The following RAD17 variants were observed in gnomAD, a reference collection of about 807,000 sequenced individuals.
RAD17 encodes the protein RAD17 checkpoint clamp loader component.
Under a neutral mutation model 81.5 loss-of-function variants are expected in RAD17, and 31 were observed. That is an observed-to-expected ratio of 0.38 (90% CI 0.29 to 0.51). RAD17 has a LOEUF of 0.51. RAD17 is among the 20% of genes least tolerant of loss of function. The pLI, the probability that RAD17 is intolerant of heterozygous loss-of-function variation, is 0.88. For synonymous variants in RAD17, 261 were observed against 266.2 expected, an observed-to-expected ratio of 0.98 and a Z score of 0.19; for missense variants, 681 against 781.2, an observed-to-expected ratio of 0.87 and a Z score of 1.53.
chr5:69,396,644 G>A, intron 16 of RAD17, 98 bp downstream of exon 16: 5 of 1,208,346 alleles, frequency 4.1e-6, no homozygotes, highest in Admixed American at 3.4e-5. Flanking sequence ...ACATAACAAA[G>A]GAAAAAATAT....
intron 17 of RAD17, among the ~76,000 whole-genome samples, chr5:69,409,532 A>G (rs1219582548): frequency 1.3e-5 from 2 of 152,256 alleles, no homozygotes; most frequent in East Asian, 1.9e-4. Flanking sequence ...GCTGTATGCT[A>G]TTAGGACAAT....
chr5:69,394,081 G>A (rs553896649), intron 15 of RAD17, among the ~76,000 whole-genome samples: 20 of 138,550 alleles, frequency 1.4e-4, no homozygotes, highest in Admixed American at 3.7e-4. Context: ...TCGAGACAGC[G>A]TCTTACTTTT....
intron 7 of RAD17, among the ~76,000 whole-genome samples, chr5:69,383,871 A>C (rs942771073): frequency 1.3e-5 from 2 of 152,158 alleles, no homozygotes; most frequent in African/African-American, 2.4e-5. Flanking sequence ...GCTTTAACTT[A>C]AACAGTCTTC....
chr5:69,372,192 C>T lies in RAD17; in HGVS notation c.-17C>T, dbSNP rs751369960. ...CCAAGATTATAGTACCAGTCACAAT[C>T]TTTTGATGAGGACGAAATGAATCAG... On this transcript the variant is annotated 5_prime_UTR_variant, in exon 4 of 19. Transcript: ENST00000354868. The T allele has an allele frequency of 1.6e-5, 25 of 1,607,998 alleles. No homozygotes were observed. In the East Asian group the frequency reaches 5.1e-4, roughly 33 times the overall value.
At chr5:69,401,059 A>C (rs1382399376) in intron 17 of RAD17, among the ~76,000 whole-genome samples, 6 of 150,958 alleles carry the variant, frequency 4.0e-5, no homozygotes, top group Non-Finnish European at 8.8e-5. Flanking sequence ...AAATACAAAA[A>C]ATTAGCCAGG....
chr5:69,380,663 C>CTT (rs777416003), intron 6 of RAD17, among the ~76,000 whole-genome samples: 1 of 145,534 alleles, frequency 6.9e-6, no homozygotes, highest in Non-Finnish European at 1.5e-5. Flanking sequence ...GTAGCTTCAA[C>CTT]TTTTTTTTTT....
intron 6 of RAD17, among the ~76,000 whole-genome samples, chr5:69,376,211 G>A (rs1180149371): frequency 2.0e-5 from 3 of 152,096 alleles, no homozygotes; most frequent in Non-Finnish European, 4.4e-5. Context: ...CATAATCCAT[G>A]GGGAGATACC....
Position 69,393,159 on chromosome 5 carries a change from A to G in RAD17, c.1194A>G (p.Ala398=). ...AATTCCAGAAATTTTTTATAGGAGCATCTTTAACAGAATTAGACTCACCTC... is the reference window on the plus strand; with the variant it reads ...AATTCCAGAAATTTTTTATAGGAGCGTCTTTAACAGAATTAGACTCACCTC... ...ALGKILYCKR[A]SLTELDSPRL... The change falls in exon 14 of 19, where the codon GCA becomes GCG. Residue 398 remains alanine, a synonymous_variant. Transcript: ENST00000354868. 6.3e-7 allele frequency: 1 copy of G among 1,597,072 alleles called. No homozygotes were observed. Among genetic ancestry groups the G allele is most frequent in the Non-Finnish European group, 8.6e-7 (1 of 1,168,418 alleles).
intron 11 of RAD17, among the ~76,000 whole-genome samples, chr5:69,388,093 C>G (rs934777255): frequency 1.3e-5 from 2 of 152,152 alleles, no homozygotes; most frequent in African/African-American, 4.8e-5. Flanking sequence ...GCCTGTAGTC[C>G]CAGCTACAAA....
intron 6 of RAD17, among the ~76,000 whole-genome samples, chr5:69,375,644 AT>A (rs1454280115): frequency 2.0e-5 from 3 of 152,166 alleles, no homozygotes; most frequent in Non-Finnish European, 4.4e-5. Flanking sequence ...TTTTAAAAAA[AT>A]GATTTTCCTA....
At chr5:69,393,990 G>A (rs182236922) in intron 15 of RAD17, among the ~76,000 whole-genome samples, 54 of 134,084 alleles carry the variant, frequency 4.0e-4, no homozygotes, top group Non-Finnish European at 7.4e-4. Context: ...ACTGGGTTTA[G>A]GGAATCCTGT....
intron 7 of RAD17, 36 bp downstream of exon 7, chr5:69,382,093 G>A: frequency 1.9e-6 from 3 of 1,581,784 alleles, no homozygotes; most frequent in Admixed American, 1.7e-5. Flanking sequence ...AAGTAGTGGG[G>A]CAAACCTGTG....
intron 6 of RAD17, 140 bp from the exon 7 acceptor site, chr5:69,381,761 T>C: frequency 1.7e-6 from 1 of 586,938 alleles, no homozygotes; most frequent in South Asian, 4.3e-5. Flanking sequence ...CAGCAAGCAT[T>C]ATTATGAAAT....
chr5:69,376,177 A>G (rs546752756), intron 6 of RAD17, among the ~76,000 whole-genome samples: 1 of 152,308 alleles, frequency 6.6e-6, no homozygotes, highest in South Asian at 2.1e-4. Flanking sequence ...TTCATTGTAG[A>G]GTAACTTTCC....
At chr5:69,393,120 G>A (rs1042828533) in intron 13 of RAD17, 35 bp from the exon 14 acceptor site, 4 of 1,390,554 alleles carry the variant, frequency 2.9e-6, no homozygotes, top group Admixed American at 1.8e-5. Context: ...TATAAAGAAG[G>A]TATTATCTTT....
At chr5:69,377,516 C>T (rs201345407) in intron 6 of RAD17, among the ~76,000 whole-genome samples, 5,280 of 30,260 alleles carry the variant, frequency 0.17, 1,037 homozygotes, top group African/African-American at 0.18. Context: ...TGTATATATA[C>T]GTATATATAT....
intron 1 of RAD17, 98 bp downstream of exon 1, chr5:69,370,031 C>G: frequency 2.8e-6 from 1 of 357,492 alleles, no homozygotes; most frequent in East Asian, 6.0e-5. Context: ...CGCTCCTCCT[C>G]CCGACCCGCC....
rs1438552139 is a variant in RAD17 at position 69,386,571 on chromosome 5, C to T, written c.894+106C>T. 3.2e-6 allele frequency: 4 copies of T among 1,232,436 alleles called. No individual in the cohort carries two copies. The African/African-American group carries it at 6.2e-5, about 19-fold the overall frequency. 76.3% of individuals were successfully genotyped at this position (1,232,436 alleles called of 1,614,324 possible). A position where few individuals can be genotyped will look rare whatever the true frequency, so the allele number is the denominator to read the frequency against. On this transcript the variant is annotated intron_variant, in intron 11 of 18. Coordinates refer to ENST00000354868, the MANE Select transcript of RAD17 (RefSeq NM_133338.3). ...TTATTTTAATTTTTTAGAATTAAAA[C>T]ATTTTATTATACTCATAAGGCATGT...
intron 16 of RAD17, among the ~76,000 whole-genome samples, chr5:69,398,524 C>T (rs1160443343): frequency 1.3e-5 from 2 of 151,888 alleles, no homozygotes; most frequent in Non-Finnish European, 2.9e-5. Context: ...ATATGAATTT[C>T]GGCTGGGCGC....
Sources: gnomAD v4.1 joint callset for allele counts (sites outside exome capture counted in the v4.1 genomes callset) on GRCh38, gnomAD v4.1.1 for gene constraint, MANE v1.5 for transcripts, NCBI Gene and HGNC (gene_info 2026-07-23, HGNC 2026-07-21) for gene names.